The following ATP10B variants were observed in gnomAD, a reference collection of about 807,000 sequenced individuals.
ATP10B encodes ATPase phospholipid transporting 10B (putative).
ATP10B carries 122 observed loss-of-function variants against 141.2 expected under a neutral mutation model. The observed-to-expected ratio is 0.86, with a 90% confidence interval of 0.75 to 1.00. ATP10B has a LOEUF of 1.00. Ranked by LOEUF, ATP10B falls within the 50% of genes least tolerant of loss-of-function variation. ATP10B has a pLI of 0.00. For missense variants in ATP10B, 1,876 were observed against 1,825.3 expected (o/e 1.03, Z -0.51); for synonymous variants, 685 against 692.0 (o/e 0.99, Z 0.16).
chr5:160,603,882 G>A (rs1757232656), intron 20 of ATP10B, 83 bp downstream of exon 20: 2 of 1,226,722 alleles, frequency 1.6e-6, no homozygotes, highest in Admixed American at 1.7e-5. Flanking sequence ...AGTTCTCAGG[G>A]AGAAGTTTCT....
chr5:160,590,883 T>C (rs973655288), intron 23 of ATP10B, among the ~76,000 whole-genome samples, 176 bp downstream of exon 23: 7 of 152,210 alleles, frequency 4.6e-5, no homozygotes, highest in Non-Finnish European at 7.3e-5. Context: ...GAAATCAAAA[T>C]GTTTGGGTAG....
the ATP10B span, among the ~76,000 whole-genome samples, chr5:160,920,302 G>C: frequency 1.3e-5 from 2 of 152,166 alleles, no homozygotes; most frequent in African/African-American, 4.8e-5. Flanking sequence ...TTGCTCAATT[G>C]CTGGATAAAA....
In ATP10B at chr5:160,596,183, A is replaced by G. The variant is rs542270624; in HGVS notation, c.3564+2587T>C. Among the ~76,000 whole-genome samples the G allele has an allele frequency of 1.4e-3, 209 of 152,266 alleles. 2 individuals are homozygous for G. Among genetic ancestry groups the G allele is most frequent in the African/African-American group, 4.8e-3 (199 of 41,544 alleles). ...ACCAAACCCAGCAGCACATCAAAAAACTTATCCACCATGATCAAGTTGGCC... is the reference window on the plus strand; with the variant it reads ...ACCAAACCCAGCAGCACATCAAAAAGCTTATCCACCATGATCAAGTTGGCC... On this transcript the variant is annotated intron_variant, in intron 22 of 25. Coordinates refer to ENST00000327245, the MANE Select transcript of ATP10B (RefSeq NM_025153.3).
At chr5:160,739,435 GAT>G (rs887932999) in intron 2 of ATP10B, among the ~76,000 whole-genome samples, 1 of 152,124 alleles carries the variant, frequency 6.6e-6, no homozygotes, top group African/African-American at 2.4e-5. Context: ...AATCCTAAAA[GAT>G]AGAATAAGTG....
chr5:160,718,624 G>A (rs1032026192), intron 2 of ATP10B, among the ~76,000 whole-genome samples: 1 of 151,656 alleles, frequency 6.6e-6, no homozygotes, highest in African/African-American at 2.4e-5. Flanking sequence ...CACACACAAA[G>A]AGACAAAACC....
chr5:160,591,843 C>T (rs998122976), intron 22 of ATP10B, among the ~76,000 whole-genome samples: 3 of 152,182 alleles, frequency 2.0e-5, no homozygotes, highest in African/African-American at 2.4e-5. Context: ...TCTCACCATG[C>T]CCCCTTCGTC....
At chr5:160,920,668 C>T in the ATP10B span, among the ~76,000 whole-genome samples, 1 of 152,228 alleles carries the variant, frequency 6.6e-6, no homozygotes, top group Non-Finnish European at 1.5e-5. Context: ...TCATAAACTC[C>T]TAGGCTCAAG....
At chr5:160,911,127 G>C in the ATP10B span, among the ~76,000 whole-genome samples, 1 of 152,192 alleles carries the variant, frequency 6.6e-6, no homozygotes, top group African/African-American at 2.4e-5. Context: ...CAGTGGTAGA[G>C]GCTGACTTTC....
intron 3 of ATP10B, among the ~76,000 whole-genome samples, chr5:160,705,063 C>T (rs547875993): frequency 1.7e-4 from 26 of 151,298 alleles, no homozygotes; most frequent in African/African-American, 3.4e-4. Flanking sequence ...AGACTACAGG[C>T]GCCCACCACC....
the ATP10B span, among the ~76,000 whole-genome samples, chr5:160,903,621 ACTAT>A: frequency 6.6e-6 from 1 of 152,206 alleles, no homozygotes; most frequent in African/African-American, 2.4e-5. Flanking sequence ...CTACAGTTTT[ACTAT>A]CATTTTTCCA....
chr5:160,911,255 ACT>A, the ATP10B span, among the ~76,000 whole-genome samples: 1 of 152,078 alleles, frequency 6.6e-6, no homozygotes, highest in Non-Finnish European at 1.5e-5. Flanking sequence ...CTCAAAACTA[ACT>A]CTGCTATACG....
intron 7 of ATP10B, among the ~76,000 whole-genome samples, chr5:160,653,282 G>A (rs867363603): frequency 8.3e-6 from 1 of 120,858 alleles, no homozygotes; most frequent in South Asian, 2.4e-4. Flanking sequence ...TACATACATA[G>A]GTAGTATATA....
chr5:160,582,018 C>A lies in ATP10B; in HGVS notation c.3750+7574G>T, dbSNP rs577667624. 1.1e-4 allele frequency among the ~76,000 whole-genome samples: 17 copies of A among 152,192 alleles called. No homozygotes were observed. In the South Asian group the frequency reaches 3.3e-3, roughly 30 times the overall value. ...TTGCTTGGTAAGTATTCCTCCATCC[C>A]TTTATTTTGAGCCTATGTGTGTCTT... On this transcript the variant is annotated intron_variant, in intron 24 of 25. Transcript: ENST00000327245.
upstream of ATP10B, among the ~76,000 whole-genome samples, chr5:160,854,333 C>G (rs530058516): frequency 6.6e-6 from 1 of 152,214 alleles, no homozygotes; most frequent in Admixed American, 6.5e-5. Context: ...CCCTAGCCCC[C>G]CAACCCCTGA....
chr5:160,663,872 A>G (rs1238753658), intron 7 of ATP10B, among the ~76,000 whole-genome samples: 1 of 152,230 alleles, frequency 6.6e-6, no homozygotes, highest in Admixed American at 6.5e-5. Flanking sequence ...GTTAACCTAG[A>G]GAACAGGGTT....
At chr5:160,693,568 A>G (rs1764203126) in intron 3 of ATP10B, among the ~76,000 whole-genome samples, 1 of 152,124 alleles carries the variant, frequency 6.6e-6, no homozygotes, top group Non-Finnish European at 1.5e-5. Flanking sequence ...TCCAGGTAGA[A>G]GAACGAGTTC....
At chr5:160,584,958 C>T (rs1755796487) in intron 24 of ATP10B, among the ~76,000 whole-genome samples, 1 of 152,156 alleles carries the variant, frequency 6.6e-6, no homozygotes, top group South Asian at 2.1e-4. Context: ...TGTCTATAGT[C>T]TCTGGCAGAC....
intron 20 of ATP10B, 73 bp from the exon 21 acceptor site, chr5:160,602,775 G>A (rs781296176): frequency 2.6e-5 from 42 of 1,596,220 alleles, no homozygotes; most frequent in Middle Eastern, 1.7e-4. Flanking sequence ...TCTCAAGGGC[G>A]TTGCTTTGGT....
upstream of ATP10B, among the ~76,000 whole-genome samples, chr5:160,856,760 G>T (rs967057111): frequency 6.6e-6 from 1 of 151,560 alleles, no homozygotes; most frequent in Non-Finnish European, 1.5e-5. Flanking sequence ...ATCGTGAATG[G>T]ATTTTGAATT....
Sources: allele counts gnomAD v4.1 joint callset (sites outside exome capture counted in the v4.1 genomes callset), GRCh38; gene constraint gnomAD v4.1.1; transcripts MANE v1.5; gene names NCBI Gene and HGNC (gene_info 2026-07-23, HGNC 2026-07-21).